UMAD1: variants seen among roughly 807,000 people sequenced by gnomAD.
UMAD1 encodes the protein UBAP1-MVB12-associated (UMA)-domain containing protein 1.
A neutral mutation model predicts 6.1 loss-of-function variants in UMAD1; 8 were observed. The ratio of observed to expected loss-of-function variants is 1.30; its 90% CI spans 0.76 to 2.35. The LOEUF (loss-of-function observed/expected upper bound fraction) is 2.35. UMAD1 is among the 30% of genes most tolerant of loss of function. UMAD1 has a pLI of 0.00. For synonymous variants in UMAD1, 56 were observed against 31.4 expected, an observed-to-expected ratio of 1.78 and a Z score of -2.61; for missense variants, 130 against 78.4, an observed-to-expected ratio of 1.66 and a Z score of -2.49.
intron 3 of UMAD1, among the ~76,000 whole-genome samples, chr7:7,866,711 A>G (rs565506526): frequency 3.3e-5 from 5 of 152,342 alleles, no homozygotes; most frequent in African/African-American, 1.2e-4. Context: ...ATAAGAGTAC[A>G]AGAAATTGGA....
intron 2 of UMAD1, among the ~76,000 whole-genome samples, chr7:7,697,618 G>A (rs1200564928): frequency 6.6e-6 from 1 of 152,106 alleles, no homozygotes; most frequent in African/African-American, 2.4e-5. Flanking sequence ...TAACTTTAAA[G>A]ATATTTTTAT....
intron 2 of UMAD1, among the ~76,000 whole-genome samples, chr7:7,778,556 C>G (rs1191936855): frequency 6.6e-6 from 1 of 151,834 alleles, no homozygotes; most frequent in African/African-American, 2.4e-5. Context: ...GCTAGGGCTA[C>G]AGGCGTGTGC....
chr7:7,856,070 G>A (rs1341929970), intron 3 of UMAD1, among the ~76,000 whole-genome samples: 4 of 152,182 alleles, frequency 2.6e-5, no homozygotes, highest in African/African-American at 9.7e-5. Flanking sequence ...CATTCAACAA[G>A]TCTCTAGGAA....
chr7:7,769,003 T>C (rs1782049121), intron 2 of UMAD1, among the ~76,000 whole-genome samples: 1 of 152,194 alleles, frequency 6.6e-6, no homozygotes, highest in South Asian at 2.1e-4. Context: ...GAATGAGTGG[T>C]GACTAAAAGG....
At chr7:7,856,852 A>G (rs34965254) in intron 3 of UMAD1, among the ~76,000 whole-genome samples, 12,798 of 152,302 alleles carry the variant, frequency 0.084, 721 homozygotes, top group Non-Finnish European at 0.12. Context: ...TTTTGGGTAT[A>G]AAAGGAAAAC....
At chr7:7,751,828 A>G (rs2115220191) in intron 2 of UMAD1, among the ~76,000 whole-genome samples, 1 of 152,288 alleles carries the variant, frequency 6.6e-6, no homozygotes, top group Non-Finnish European at 1.5e-5. Context: ...GCAAAATTTG[A>G]GGAATTTAAA....
chr7:7,874,985 G>A (rs1222784861), intron 3 of UMAD1, among the ~76,000 whole-genome samples: 1 of 152,090 alleles, frequency 6.6e-6, no homozygotes, highest in East Asian at 1.9e-4. Flanking sequence ...TGTTGGTCAG[G>A]CTGGTCTCGA....
chr7:7,846,714 A>G (rs1024609066), intron 3 of UMAD1, among the ~76,000 whole-genome samples: 70 of 152,216 alleles, frequency 4.6e-4, no homozygotes, highest in African/African-American at 1.5e-3. Context: ...CTTTTCAATA[A>G]TAACTCTTCC....
At chr7:7,747,757 C>G (rs1781599590) in intron 2 of UMAD1, among the ~76,000 whole-genome samples, 1 of 152,038 alleles carries the variant, frequency 6.6e-6, no homozygotes, top group Non-Finnish European at 1.5e-5. Flanking sequence ...TGCCTTATTT[C>G]TCCATTTAAT....
chr7:7,677,126 G>A (rs717841), intron 2 of UMAD1, among the ~76,000 whole-genome samples: 99,412 of 151,916 alleles, frequency 0.65, 32,703 homozygotes, highest in East Asian at 0.87. Flanking sequence ...TTATGGGTCC[G>A]TAATAGTTGT....
chr7:7,857,984 G>T (rs928395244), intron 3 of UMAD1, among the ~76,000 whole-genome samples: 1 of 152,194 alleles, frequency 6.6e-6, no homozygotes, highest in Non-Finnish European at 1.5e-5. Context: ...TTGGATTTGG[G>T]AAGCAGCATG....
At chr7:7,791,509 A>G (rs183025310) in intron 2 of UMAD1, among the ~76,000 whole-genome samples, 6 of 152,378 alleles carry the variant, frequency 3.9e-5, no homozygotes, top group Admixed American at 3.9e-4. Context: ...TACATATACA[A>G]AATTAATTTG....
At chr7:7,718,008 C>G (rs1029891558) in intron 2 of UMAD1, among the ~76,000 whole-genome samples, 3 of 152,152 alleles carry the variant, frequency 2.0e-5, no homozygotes, top group South Asian at 4.1e-4. Flanking sequence ...TTAGGGAAAT[C>G]TAGTTTTTAG....
intron 3 of UMAD1, among the ~76,000 whole-genome samples, chr7:7,839,610 C>T (rs557871258): frequency 5.3e-5 from 8 of 152,038 alleles, no homozygotes; most frequent in South Asian, 2.1e-4. Context: ...ATAGCATGTT[C>T]GAATGCTAAT....
At chr7:7,795,333 T>C (rs1456847426) in intron 2 of UMAD1, among the ~76,000 whole-genome samples, 3 of 152,156 alleles carry the variant, frequency 2.0e-5, no homozygotes, top group African/African-American at 4.8e-5. Flanking sequence ...CTGGTCAGGC[T>C]TTTCCCCAAG....
At chr7:7,741,749 C>G (rs1259497100) in intron 2 of UMAD1, among the ~76,000 whole-genome samples, 3 of 151,856 alleles carry the variant, frequency 2.0e-5, no homozygotes, top group African/African-American at 7.2e-5. Context: ...CAACTGTAGA[C>G]TTTTCAGTTA....
At chr7:7,797,577 C>T (rs1782711324) in intron 2 of UMAD1, among the ~76,000 whole-genome samples, 1 of 152,180 alleles carries the variant, frequency 6.6e-6, no homozygotes, top group Non-Finnish European at 1.5e-5. Context: ...ATAGTGCTCA[C>T]TCTTCAGCAT....
At chr7:7,754,592 C>A (rs1192146216) in intron 2 of UMAD1, among the ~76,000 whole-genome samples, 1 of 152,118 alleles carries the variant, frequency 6.6e-6, no homozygotes, top group African/African-American at 2.4e-5. Context: ...GTGCACTAAC[C>A]AGCCACATGT....
intron 2 of UMAD1, among the ~76,000 whole-genome samples, chr7:7,796,575 T>G (rs1360953360): frequency 6.6e-6 from 1 of 152,092 alleles, no homozygotes; most frequent in African/African-American, 2.4e-5. Context: ...TAACCAAAAT[T>G]TATGTAACAC....
Sources: gnomAD v4.1 joint callset for allele counts (sites outside exome capture counted in the v4.1 genomes callset) on GRCh38, gnomAD v4.1.1 for gene constraint, MANE v1.5 for transcripts, NCBI Gene and HGNC (gene_info 2026-07-23, HGNC 2026-07-21) for gene names.